Variants in GATAD2A observed in about 807,000 individuals in gnomAD.
The protein encoded by GATAD2A is transcriptional repressor p66-alpha.
In GATAD2A, 12 loss-of-function variants were observed where a neutral mutation model predicts 68.5. The ratio of observed to expected loss-of-function variants is 0.18; its 90% CI spans 0.11 to 0.28. The LOEUF (loss-of-function observed/expected upper bound fraction) is 0.28, where lower values mean the gene tolerates loss of function less well. GATAD2A is among the 10% of genes least tolerant of loss of function. The pLI is 1.00. For synonymous variants in GATAD2A, 410 were observed against 375.3 expected (o/e 1.09, Z -1.07); for missense variants, 755 against 868.5 (o/e 0.87, Z 1.64).
chr19:19,400,497 C>G (rs2049629682), intron 1 of GATAD2A, among the ~76,000 whole-genome samples: 1 of 152,100 alleles, frequency 6.6e-6, no homozygotes, highest in Non-Finnish European at 1.5e-5. Flanking sequence ...AACTCTTGAT[C>G]TAGTGTGAGA....
At chr19:19,439,002 C>A (rs1160095496) in intron 1 of GATAD2A, among the ~76,000 whole-genome samples, 1 of 152,240 alleles carries the variant, frequency 6.6e-6, no homozygotes, top group Admixed American at 6.5e-5. Flanking sequence ...CCCACACTTG[C>A]TTTAAGTGGA....
chr19:19,434,772 C>T (rs550049211), intron 1 of GATAD2A, among the ~76,000 whole-genome samples: 1 of 152,116 alleles, frequency 6.6e-6, no homozygotes, highest in Non-Finnish European at 1.5e-5. Flanking sequence ...AAGAGAAGTT[C>T]CTGAATATTG....
At chr19:19,478,601 A>G (rs1490409740) in intron 2 of GATAD2A, among the ~76,000 whole-genome samples, 1 of 152,030 alleles carries the variant, frequency 6.6e-6, no homozygotes, top group African/African-American at 2.4e-5. Context: ...CTCAAAAAAA[A>G]AAGAAAAAAA....
chr19:19,394,589 G>T (rs867085035), intron 1 of GATAD2A, among the ~76,000 whole-genome samples: 3 of 152,214 alleles, frequency 2.0e-5, no homozygotes, highest in African/African-American at 7.2e-5. Flanking sequence ...GGGATTACAG[G>T]CGGCATGCTG....
intron 1 of GATAD2A, among the ~76,000 whole-genome samples, chr19:19,429,523 C>T (rs2053495778): frequency 1.3e-5 from 2 of 152,100 alleles, no homozygotes; most frequent in African/African-American, 4.8e-5. Flanking sequence ...CTGGGTGGAC[C>T]TGGGAAATTA....
At chr19:19,420,663 G>A (rs976688525) in intron 1 of GATAD2A, among the ~76,000 whole-genome samples, 5 of 151,882 alleles carry the variant, frequency 3.3e-5, no homozygotes, top group African/African-American at 7.3e-5. Context: ...TTTTAACCTC[G>A]GTTTTCTCTT....
rs1424860716 is a variant in GATAD2A at position 19,506,189 on chromosome 19, G to A, written c.*715G>A. 6 of 398,598 alleles carry A rather than the reference G, an allele frequency of 1.5e-5. No homozygotes were observed. Among genetic ancestry groups the A allele is most frequent in the Middle Eastern group, 6.2e-4 (1 of 1,610 alleles). The allele number at this position is 398,598 out of a possible 1,614,324, so 24.7% of individuals were successfully genotyped here. On this transcript the variant is annotated 3_prime_UTR_variant, in exon 12 of 12. Coordinates refer to ENST00000683918, the MANE Select transcript of GATAD2A (RefSeq NM_001384528.1). The stretch of plus-strand genomic sequence containing the variant: ...GAGGCAGCCCTCGCTCCAGCTGAAC[G>A]CCTCCATTGCTGCTTGTTCTGGAGA...
intron 1 of GATAD2A, among the ~76,000 whole-genome samples, chr19:19,430,631 G>A (rs1325307610): frequency 6.6e-6 from 1 of 152,154 alleles, no homozygotes; most frequent in Non-Finnish European, 1.5e-5. Flanking sequence ...CCAGGGAAGG[G>A]ACAACGGGGC....
intron 1 of GATAD2A, among the ~76,000 whole-genome samples, chr19:19,442,806 G>A (rs909826725): frequency 1.3e-5 from 2 of 151,628 alleles, no homozygotes; most frequent in Non-Finnish European, 1.5e-5. Context: ...TTTCTTATTG[G>A]TGCTTAAAGG....
intron 1 of GATAD2A, among the ~76,000 whole-genome samples, chr19:19,434,150 A>T (rs759849325): frequency 1.3e-4 from 20 of 152,030 alleles, no homozygotes; most frequent in Admixed American, 5.9e-4. Context: ...AATGTAGATG[A>T]CTTTTTTCAG....
intron 4 of GATAD2A, 120 bp downstream of exon 4, chr19:19,492,832 G>A (rs1311835598): frequency 1.1e-6 from 1 of 916,018 alleles, no homozygotes; most frequent in African/African-American, 1.7e-5. Context: ...TATAGGGCAA[G>A]GTCCCACTCC....
chr19:19,505,300 T>C, intron 11 of GATAD2A, 44 bp from the exon 12 acceptor site: 1 of 1,605,040 alleles, frequency 6.2e-7, no homozygotes. Context: ...CCAGGAGCCC[T>C]CCTGACGAGG....
chr19:19,442,386 G>A (rs2055200473), intron 1 of GATAD2A, among the ~76,000 whole-genome samples: 1 of 152,048 alleles, frequency 6.6e-6, no homozygotes, highest in African/African-American at 2.4e-5. Context: ...AGCACTTCGG[G>A]AGGCTGAGGC....
At chr19:19,449,475 T>C (rs1470904633) in intron 1 of GATAD2A, among the ~76,000 whole-genome samples, 3 of 152,084 alleles carry the variant, frequency 2.0e-5, no homozygotes, top group Admixed American at 2.0e-4. Context: ...CATGCACACA[T>C]GCCACGAGAC....
At chr19:19,463,067 C>G (rs2057578953) in intron 1 of GATAD2A, among the ~76,000 whole-genome samples, 1 of 152,134 alleles carries the variant, frequency 6.6e-6, no homozygotes, top group African/African-American at 2.4e-5. Flanking sequence ...GTTATAAGGC[C>G]AGACTGGGAA....
chr19:19,395,990 A>T (rs1310372268), intron 1 of GATAD2A, among the ~76,000 whole-genome samples: 1 of 152,132 alleles, frequency 6.6e-6, no homozygotes, highest in African/African-American at 2.4e-5. Context: ...AAGCGGCCAG[A>T]CTGTTGTAGA....
intron 2 of GATAD2A, among the ~76,000 whole-genome samples, chr19:19,480,215 CT>C (rs1824150484): frequency 6.6e-6 from 1 of 152,112 alleles, no homozygotes; most frequent in Non-Finnish European, 1.5e-5. Context: ...TTTTCTTCCC[CT>C]GAATGACATT....
At chr19:19,477,126 A>G (rs946454373) in intron 2 of GATAD2A, among the ~76,000 whole-genome samples, 1 of 152,148 alleles carries the variant, frequency 6.6e-6, no homozygotes, top group South Asian at 2.1e-4. Context: ...CCTGAAGCCA[A>G]GCTGGATCTG....
chr19:19,485,304 T>A (rs1568327143), intron 2 of GATAD2A, among the ~76,000 whole-genome samples: 1 of 152,238 alleles, frequency 6.6e-6, no homozygotes, highest in Admixed American at 6.5e-5. Context: ...AGCGAGGTAT[T>A]GACGTTTTTC....
Sources: allele counts gnomAD v4.1 joint callset (sites outside exome capture counted in the v4.1 genomes callset), GRCh38; gene constraint gnomAD v4.1.1; transcripts MANE v1.5; gene names NCBI Gene and HGNC (gene_info 2026-07-23, HGNC 2026-07-21).